Variants in LIMD1 observed in about 807,000 individuals in gnomAD.
LIMD1 encodes the protein LIM domain containing 1.
In LIMD1, 23 loss-of-function variants were observed where a neutral mutation model predicts 58.4. The ratio of observed to expected loss-of-function variants is 0.39; its 90% CI spans 0.28 to 0.56. The LOEUF (loss-of-function observed/expected upper bound fraction) is 0.56. LIMD1 is among the 20% of genes least tolerant of loss of function. The pLI, the probability that LIMD1 is intolerant of heterozygous loss-of-function variation, is 0.57. For missense variants in LIMD1, 838 were observed against 855.5 expected (o/e 0.98, Z 0.25); for synonymous variants, 334 against 345.5 (o/e 0.97, Z 0.37).
At chr3:45,602,382 G>C (rs1701424079) in intron 1 of LIMD1, among the ~76,000 whole-genome samples, 1 of 152,162 alleles carries the variant, frequency 6.6e-6, no homozygotes. Flanking sequence ...TAGGACCAGA[G>C]GGGTGGGAAA....
At chr3:45,666,554 A>G (rs1344068525) in intron 3 of LIMD1, among the ~76,000 whole-genome samples, 1 of 151,786 alleles carries the variant, frequency 6.6e-6, no homozygotes, top group Admixed American at 6.6e-5. Context: ...CCCTGCTTGC[A>G]ATGTCTTGCC....
At chr3:45,630,446 G>A (rs1701715946) in intron 1 of LIMD1, among the ~76,000 whole-genome samples, 1 of 152,174 alleles carries the variant, frequency 6.6e-6, no homozygotes, top group Non-Finnish European at 1.5e-5. Flanking sequence ...TTTGTGGGGG[G>A]AACGATTGGT....
chr3:45,648,994 AT>A (rs1278793309), intron 2 of LIMD1, among the ~76,000 whole-genome samples: 1 of 152,078 alleles, frequency 6.6e-6, no homozygotes, highest in African/African-American at 2.4e-5. Flanking sequence ...GTGGACTGTC[AT>A]TTCATTTCTT....
rs911332488 is a variant in LIMD1, at chr3:45,637,930, A to G, written c.1510+1679A>G. 4.0e-5 allele frequency among the ~76,000 whole-genome samples: 6 copies of G among 150,578 alleles called. No individual in the cohort carries two copies. In the Middle Eastern group the frequency reaches 0.01, roughly 261 times the overall value. On this transcript the variant is annotated intron_variant, in intron 2 of 7. Transcript: ENST00000273317. Reference sequence around the variant, plus strand: ...GACTATGAGAATGTCCGCAGTGGAAATCTAGGAGTGGTCTGGTTATCGAAT... The same window carrying G: ...GACTATGAGAATGTCCGCAGTGGAAGTCTAGGAGTGGTCTGGTTATCGAAT...
chr3:45,659,544 A>T (rs934950377), intron 2 of LIMD1, among the ~76,000 whole-genome samples: 1 of 152,000 alleles, frequency 6.6e-6, no homozygotes, highest in South Asian at 2.1e-4. Flanking sequence ...GCACCACTGC[A>T]CTCCAGCCTG....
At chr3:45,661,505 C>G (rs1697436536) in intron 2 of LIMD1, among the ~76,000 whole-genome samples, 2 of 152,132 alleles carry the variant, frequency 1.3e-5, no homozygotes, top group South Asian at 4.1e-4. Context: ...TTTTAGCAAG[C>G]TATTATAAAT....
chr3:45,663,196 A>G (rs138079396), intron 2 of LIMD1, among the ~76,000 whole-genome samples: 5 of 152,256 alleles, frequency 3.3e-5, no homozygotes, highest in African/African-American at 4.8e-5. Flanking sequence ...TTCTTCGTCT[A>G]TTTATCAATT....
Position 45,596,031 on chromosome 3 carries a change from C to A in LIMD1, c.1152C>A (p.Ser384Arg). ...CTDLGTGPKL[S>R]PTSLVHPVMS... ...ACCTTGGCACTGGTCCCAAGCTCAGCCCCACCAGTCTTGTCCATCCAGTGA... is the reference window on the plus strand; with the variant it reads ...ACCTTGGCACTGGTCCCAAGCTCAGACCCACCAGTCTTGTCCATCCAGTGA... The change falls in exon 1 of 8, where the codon AGC becomes AGA. Residue 384 changes from serine (S) to arginine (R), a missense_variant. This residue lies in a region of LIMD1 where 659 missense variants were observed against 639.8 expected (regional missense o/e 1.03). Transcript: ENST00000273317. The A allele has an allele frequency of 6.2e-7, 1 of 1,614,234 alleles. No homozygotes were observed. Among genetic ancestry groups the A allele is most frequent in the South Asian group, 1.1e-5 (1 of 91,088 alleles).
At chr3:45,624,881 CTTTT>C (rs59284051) in intron 1 of LIMD1, among the ~76,000 whole-genome samples, 1 of 138,432 alleles carries the variant, frequency 7.2e-6, no homozygotes, top group Non-Finnish European at 1.6e-5. Flanking sequence ...TGCTATCTTC[CTTTT>C]TTTTTTTTTT....
intron 2 of LIMD1, among the ~76,000 whole-genome samples, chr3:45,662,473 A>T (rs1256031874): frequency 2.0e-5 from 3 of 152,196 alleles, no homozygotes. Context: ...TACTATAGGA[A>T]ATAATCCTTA....
chr3:45,648,694 T>C (rs532612207), intron 2 of LIMD1, among the ~76,000 whole-genome samples: 4 of 152,342 alleles, frequency 2.6e-5, no homozygotes, highest in African/African-American at 9.6e-5. Flanking sequence ...CCACCAGCCA[T>C]GTATGAGAGT....
chr3:45,647,213 A>G (rs1701916272), intron 2 of LIMD1, among the ~76,000 whole-genome samples: 1 of 152,270 alleles, frequency 6.6e-6, no homozygotes, highest in South Asian at 2.1e-4. Context: ...TCCACTTAGA[A>G]ATATATCATA....
At chr3:45,619,439 C>T (rs1345430479) in intron 1 of LIMD1, among the ~76,000 whole-genome samples, 3 of 152,138 alleles carry the variant, frequency 2.0e-5, no homozygotes, top group Admixed American at 6.6e-5. Context: ...ACTAAAAATA[C>T]TTGTTTATCT....
intron 2 of LIMD1, among the ~76,000 whole-genome samples, chr3:45,646,691 C>CTT (rs565278104): frequency 0.03 from 4,113 of 135,454 alleles, 75 homozygotes; most frequent in Non-Finnish European, 0.042. Flanking sequence ...GTTCCTAAAT[C>CTT]TTTTTTTTTT....
At chr3:45,668,598 C>T (rs569727697) in intron 4 of LIMD1, among the ~76,000 whole-genome samples, 1 of 152,114 alleles carries the variant, frequency 6.6e-6, no homozygotes, top group South Asian at 2.1e-4. Flanking sequence ...ACTAAAAATA[C>T]AAAAATTTTC....
intron 3 of LIMD1, among the ~76,000 whole-genome samples, chr3:45,666,413 A>G (rs1418245493): frequency 1.3e-5 from 2 of 152,180 alleles, no homozygotes; most frequent in African/African-American, 2.4e-5. Flanking sequence ...CTTATAGGGC[A>G]TAAACCTGGC....
rs539333991 is a variant in LIMD1, at chr3:45,683,904, T to G, written c.*6845T>G. On this transcript the variant is annotated 3_prime_UTR_variant, in exon 8 of 8. Coordinates refer to ENST00000273317, the MANE Select transcript of LIMD1 (RefSeq NM_014240.3). Reference sequence around the variant, plus strand: ...GTAACAGGAGGAGCATTAGTCAGCCTACCACAGACTCCAACGAACGTTTTT... The same window carrying G: ...GTAACAGGAGGAGCATTAGTCAGCCGACCACAGACTCCAACGAACGTTTTT... 3.3e-5 allele frequency: 5 copies of G among 152,370 alleles called. No individual in the cohort carries two copies. The East Asian group carries it at 9.6e-4, about 29-fold the overall frequency. The allele number at this position is 152,370 out of a possible 1,614,324, so 9.4% of individuals were successfully genotyped here. A position where few individuals can be genotyped will look rare whatever the true frequency, so the allele number is the denominator to read the frequency against.
In LIMD1 at chr3:45,682,368, T is replaced by C. The variant is rs140517826; in HGVS notation, c.*5309T>C. 1.3e-5 allele frequency: 2 copies of C among 152,312 alleles called. No individual in the cohort carries two copies. Among genetic ancestry groups the C allele is most frequent in the Non-Finnish European group, 2.9e-5 (2 of 68,056 alleles). The allele number at this position is 152,312 out of a possible 1,614,324, so 9.4% of individuals were successfully genotyped here. On this transcript the variant is annotated 3_prime_UTR_variant, in exon 8 of 8. Transcript: ENST00000273317. ...GATATGGAGTGTTTGCTGATACCTA[T>C]GATGTAAATATTCCCGCCATGGCCA... is the stretch of plus-strand genomic sequence containing the variant.
chr3:45,666,979 C>T (rs1259997403), intron 3 of LIMD1, among the ~76,000 whole-genome samples: 2 of 152,184 alleles, frequency 1.3e-5, no homozygotes, highest in East Asian at 3.9e-4. Context: ...GACTAGCAAA[C>T]CCAAACGGGC....
Sources: allele counts gnomAD v4.1 joint callset (sites outside exome capture counted in the v4.1 genomes callset), GRCh38; gene constraint gnomAD v4.1.1; regional missense constraint gnomAD v4.1.1; transcripts MANE v1.5; gene names NCBI Gene and HGNC (gene_info 2026-07-23, HGNC 2026-07-21).